The following GUCY1A2 variants were observed in gnomAD, a reference collection of about 807,000 sequenced individuals.
GUCY1A2 encodes guanylate cyclase soluble subunit alpha-2.
Under a neutral mutation model 63.5 loss-of-function variants are expected in GUCY1A2, and 27 were observed. That is an observed-to-expected ratio of 0.43 (90% CI 0.31 to 0.59). The LOEUF (loss-of-function observed/expected upper bound fraction) is 0.59, where lower values mean the gene tolerates loss of function less well. Ranked by LOEUF, GUCY1A2 falls within the 20% of genes least tolerant of loss-of-function variation. GUCY1A2 has a pLI of 0.11. For missense variants in GUCY1A2, 768 were observed against 913.3 expected, an observed-to-expected ratio of 0.84 and a Z score of 2.05; for synonymous variants, 364 against 343.5, an observed-to-expected ratio of 1.06 and a Z score of -0.66.
chr11:106,864,679 G>T (rs1859565858), intron 4 of GUCY1A2, among the ~76,000 whole-genome samples: 1 of 152,072 alleles, frequency 6.6e-6, no homozygotes, highest in Non-Finnish European at 1.5e-5. Flanking sequence ...TAATCATGTG[G>T]TTTTTGTCAA....
chr11:106,729,250 T>C (rs907849147), intron 6 of GUCY1A2, among the ~76,000 whole-genome samples: 3 of 152,122 alleles, frequency 2.0e-5, no homozygotes, highest in African/African-American at 7.2e-5. Context: ...GAAGGAAGAA[T>C]TGGTGGGGAC....
intron 7 of GUCY1A2, among the ~76,000 whole-genome samples, chr11:106,693,111 G>C (rs1193959738): frequency 6.6e-6 from 1 of 152,160 alleles, no homozygotes; most frequent in Non-Finnish European, 1.5e-5. Flanking sequence ...TCACTACCCA[G>C]CTACTGCTCA....
chr11:106,925,742 G>A (rs1438885677), intron 4 of GUCY1A2, among the ~76,000 whole-genome samples: 1 of 152,142 alleles, frequency 6.6e-6, no homozygotes, highest in Admixed American at 6.5e-5. Flanking sequence ...GTGTGCTTTT[G>A]AAAAATACAA....
chr11:106,930,994 T>C (rs10789552), intron 4 of GUCY1A2, among the ~76,000 whole-genome samples: 54,419 of 152,144 alleles, frequency 0.36, 10,441 homozygotes, highest in Non-Finnish European at 0.43. Context: ...TAAACAGTGT[T>C]GACCGATAAA....
chr11:106,978,525 A>C (rs1266114635), intron 3 of GUCY1A2, 94 bp downstream of exon 3: 1 of 784,888 alleles, frequency 1.3e-6, no homozygotes, highest in East Asian at 2.9e-5. Flanking sequence ...CATATTCTCC[A>C]CATCTCTCTT....
chr11:106,962,044 G>A (rs183095794), intron 3 of GUCY1A2, among the ~76,000 whole-genome samples: 1 of 152,264 alleles, frequency 6.6e-6, no homozygotes, highest in East Asian at 1.9e-4. Context: ...GTCCAATAAA[G>A]TTCCTATGTG....
chr11:106,910,282 A>G (rs939615855), intron 4 of GUCY1A2, among the ~76,000 whole-genome samples: 2 of 152,024 alleles, frequency 1.3e-5, no homozygotes, highest in Admixed American at 1.3e-4. Context: ...GATCCCTATT[A>G]TATTTCAAAA....
intron 6 of GUCY1A2, among the ~76,000 whole-genome samples, chr11:106,764,201 T>C (rs1864118265): frequency 1.3e-5 from 2 of 152,126 alleles, no homozygotes; most frequent in Non-Finnish European, 2.9e-5. Context: ...TTGCCTTGAG[T>C]TAGAATGCCT....
At chr11:106,962,330 T>C (rs1379312986) in intron 3 of GUCY1A2, among the ~76,000 whole-genome samples, 2 of 151,632 alleles carry the variant, frequency 1.3e-5, no homozygotes, top group Non-Finnish European at 2.9e-5. Flanking sequence ...GGCAGGTGGA[T>C]CATGAGGTCA....
At chr11:106,968,487 T>C (rs543999066) in intron 3 of GUCY1A2, among the ~76,000 whole-genome samples, 3 of 152,330 alleles carry the variant, frequency 2.0e-5, no homozygotes, top group East Asian at 1.9e-4. Context: ...CTCTGGACAA[T>C]GTTCAATCCT....
chr11:106,879,980 T>G (rs1314114162), intron 4 of GUCY1A2, among the ~76,000 whole-genome samples: 1 of 152,014 alleles, frequency 6.6e-6, no homozygotes, highest in Non-Finnish European at 1.5e-5. Context: ...AATGACGACT[T>G]AACCATACCC....
intron 4 of GUCY1A2, among the ~76,000 whole-genome samples, chr11:106,870,112 G>A (rs531918197): frequency 7.7e-6 from 1 of 129,278 alleles, no homozygotes; most frequent in African/African-American, 2.9e-5. Context: ...TTGTGAGGGG[G>A]GGGGAGGGGG....
chr11:106,764,011 A>T (rs1485925960), intron 6 of GUCY1A2, among the ~76,000 whole-genome samples: 1 of 152,094 alleles, frequency 6.6e-6, no homozygotes, highest in Non-Finnish European at 1.5e-5. Flanking sequence ...GTTTCTACAA[A>T]AAGTTCATTT....
At chr11:106,878,270 C>A (rs1306186722) in intron 4 of GUCY1A2, among the ~76,000 whole-genome samples, 2 of 152,068 alleles carry the variant, frequency 1.3e-5, no homozygotes, top group Non-Finnish European at 2.9e-5. Context: ...CTAGCCATCT[C>A]ATCATTGTAT....
In GUCY1A2 at chr11:106,684,206, C is replaced by T. The variant is rs1862481807; in HGVS notation, c.*3343G>A. The T allele has an allele frequency of 5.4e-6, 1 of 184,304 alleles. No individual in the cohort carries two copies. The highest frequency in any genetic ancestry group is 1.2e-5 in the Non-Finnish European group (1 of 86,926). 11.4% of individuals were successfully genotyped at this position (184,304 alleles called of 1,614,324 possible). A position where few individuals can be genotyped will look rare whatever the true frequency, so the allele number is the denominator to read the frequency against. The stretch of plus-strand genomic sequence containing the variant: ...AGTGCTGAACCTACAGACCCACTCT[C>T]AAGTCTCAGGCATCAATGTCTGTCT... On this transcript the variant is annotated 3_prime_UTR_variant, in exon 8 of 8. Coordinates refer to ENST00000526355, the MANE Select transcript of GUCY1A2 (RefSeq NM_000855.3).
At chr11:106,779,555 G>C (rs1864422031) in intron 5 of GUCY1A2, among the ~76,000 whole-genome samples, 1 of 152,068 alleles carries the variant, frequency 6.6e-6, no homozygotes, top group East Asian at 1.9e-4. Context: ...AAATCAAAAT[G>C]CTTTGCAGTA....
chr11:106,837,412 G>T (rs1281172824), intron 4 of GUCY1A2, among the ~76,000 whole-genome samples: 2 of 152,074 alleles, frequency 1.3e-5, no homozygotes, highest in East Asian at 3.9e-4. Context: ...CATTTAGGTT[G>T]ATTCCATGTC....
intron 4 of GUCY1A2, among the ~76,000 whole-genome samples, chr11:106,838,199 T>G (rs556211063): frequency 6.6e-6 from 1 of 152,098 alleles, no homozygotes; most frequent in East Asian, 1.9e-4. Context: ...GACTTTCTTT[T>G]GGTGCTTAGC....
At chr11:106,760,543 AAGT>A (rs1864048726) in intron 6 of GUCY1A2, among the ~76,000 whole-genome samples, 1 of 152,288 alleles carries the variant, frequency 6.6e-6, no homozygotes, top group African/African-American at 2.4e-5. Context: ...TATTTGGACA[AAGT>A]AGGTAAAATA....
Sources: gnomAD v4.1 joint callset for allele counts (sites outside exome capture counted in the v4.1 genomes callset) on GRCh38, gnomAD v4.1.1 for gene constraint, MANE v1.5 for transcripts, NCBI Gene and HGNC (gene_info 2026-07-23, HGNC 2026-07-21) for gene names.